Variants in HEATR5A observed in about 807,000 individuals in gnomAD.
HEATR5A encodes HEAT repeat containing 5A, also known as HEAT repeat-containing protein 5A.
A neutral mutation model predicts 218.8 loss-of-function variants in HEATR5A; 178 were observed. The observed-to-expected ratio is 0.81, with a 90% confidence interval of 0.72 to 0.92. HEATR5A has a LOEUF of 0.92. Among genes scored for constraint, HEATR5A ranks in the 40% least tolerant of loss-of-function variants. The probability of loss-of-function intolerance (pLI) is 0.00; values close to 1 mark genes in which losing one functional copy is unlikely to be tolerated. For missense variants in HEATR5A, 2,420 were observed against 2,418.9 expected, an observed-to-expected ratio of 1.00 and a Z score of -0.01; for synonymous variants, 864 against 871.6, an observed-to-expected ratio of 0.99 and a Z score of 0.15.
Position 31,350,938 on chromosome 14 carries a change from C to T in HEATR5A, c.2412-221G>A, listed in dbSNP as rs144495932. On this transcript the variant is annotated intron_variant, in intron 16 of 35. Coordinates refer to ENST00000543095, the MANE Select transcript of HEATR5A (RefSeq NM_015473.4). ...GATTACAGGTGTGCACCACCACACC[C>T]GGTTAATTTTTGTATTTTTAGTAGA... 1.4e-4 allele frequency among the ~76,000 whole-genome samples: 22 copies of T among 152,128 alleles called. No homozygotes were observed. In the East Asian group the frequency reaches 3.3e-3, roughly 23 times the overall value.
intron 3 of HEATR5A, 48 bp from the exon 4 acceptor site, chr14:31,398,829 A>C (rs2030757641): frequency 2.9e-6 from 3 of 1,031,558 alleles, no homozygotes; most frequent in African/African-American, 1.6e-5. Context: ...AAAAAATAGG[A>C]ATAAAAAGAT....
intron 1 of HEATR5A, among the ~76,000 whole-genome samples, chr14:31,409,655 G>A (rs1366324865): frequency 2.0e-5 from 3 of 152,014 alleles, no homozygotes; most frequent in East Asian, 1.9e-4. Flanking sequence ...GGCCAAGATC[G>A]CGCCACTGCA....
rs537932613 is a variant in HEATR5A at position 31,384,181 on chromosome 14, G to A, written c.1346-410C>T. The stretch of plus-strand genomic sequence containing the variant: ...ACCCTGGCCAGCTGTGGTGGCTCAC[G>A]CCTGTAATCCCAGCACTTTGGGAGG... On this transcript the variant is annotated intron_variant, in intron 9 of 35. Transcript: ENST00000543095. 3.3e-5 allele frequency among the ~76,000 whole-genome samples: 5 copies of A among 152,136 alleles called. No homozygotes were observed. The East Asian group carries it at 9.7e-4, about 29-fold the overall frequency.
Position 31,345,213 on chromosome 14 carries a change from C to T in HEATR5A, c.2932G>A (p.Val978Met). ...ATAATAAGAGAAAGGGTAGGTTCCA[C>T]ATGCACATAATAGAGTGGGCCAGCA... ...DSAGPLYYVH[V>M]EPTLSLIIML... The change falls in exon 20 of 36, where the codon GTG becomes ATG. Residue 978 changes from valine (V) to methionine (M), a missense_variant. By Grantham distance (21) the Val-to-Met change is conservative. Transcript: ENST00000543095. The T allele has an allele frequency of 7.4e-6, 12 of 1,613,498 alleles. No homozygotes were observed. The highest frequency in any genetic ancestry group is 1.0e-5 in the Non-Finnish European group (12 of 1,179,468).
chr14:31,311,201 G>C (rs1373602780), intron 28 of HEATR5A, among the ~76,000 whole-genome samples: 1 of 152,062 alleles, frequency 6.6e-6, no homozygotes, highest in Non-Finnish European at 1.5e-5. Context: ...CGGCTACAAA[G>C]TAACCAACCC....
At chr14:31,306,696 T>C (rs1899565842) in intron 31 of HEATR5A, 36 bp downstream of exon 31, 1 of 1,571,158 alleles carries the variant, frequency 6.4e-7, no homozygotes, top group East Asian at 2.3e-5. Flanking sequence ...AGAATGATGC[T>C]ATTTGATCAA....
In HEATR5A at chr14:31,293,894, G is replaced by A; in HGVS notation, c.5830C>T (p.His1944Tyr). 6.3e-7 allele frequency: 1 copy of A among 1,593,694 alleles called. No individual in the cohort carries two copies. Among genetic ancestry groups the A allele is most frequent in the Non-Finnish European group, 8.6e-7 (1 of 1,168,088 alleles). The change falls in exon 35 of 36, where the codon CAT (histidine) becomes TAT (tyrosine). Residue 1944 changes from histidine (H) to tyrosine (Y), a missense_variant. Coordinates refer to ENST00000543095, the MANE Select transcript of HEATR5A (RefSeq NM_015473.4). ...TGAATTTAGTGCTGACACTTACGAT[G>A]GTGTTCTTCAGCAACAGTAACCAGT... ...ETLVTVAEEH[H>Y]RAQLVACLLP...
At chr14:31,323,301 T>C (rs1317656972) in intron 24 of HEATR5A, among the ~76,000 whole-genome samples, 1 of 151,606 alleles carries the variant, frequency 6.6e-6, no homozygotes, top group Non-Finnish European at 1.5e-5. Context: ...GCTGGAACTA[T>C]AGGTGCATGC....
intron 32 of HEATR5A, among the ~76,000 whole-genome samples, chr14:31,302,985 G>A (rs1004439173): frequency 1.5e-4 from 22 of 148,290 alleles, no homozygotes; most frequent in South Asian, 6.3e-4. Flanking sequence ...GGTGGTGTGC[G>A]CCTGTGGTCC....
chr14:31,371,217 C>T (rs138154269), intron 13 of HEATR5A, among the ~76,000 whole-genome samples: 97 of 152,272 alleles, frequency 6.4e-4, no homozygotes, highest in African/African-American at 2.0e-3. Flanking sequence ...ACTATCTGGT[C>T]CTTCAGAAGA....
rs77533906 is a variant in HEATR5A at position 31,362,352 on chromosome 14, C to A, written c.2071+1837G>T. On this transcript the variant is annotated intron_variant, in intron 14 of 35. Transcript: ENST00000543095. The stretch of plus-strand genomic sequence containing the variant: ...CTGTGGAACTGATTTGAAATATATC[C>A]TTTAGGACTCCTGATTGCATTTCCA... Among the ~76,000 whole-genome samples, 70 of 151,792 alleles carry A rather than the reference C, an allele frequency of 4.6e-4. No individual in the cohort carries two copies. In the East Asian group the frequency reaches 7.9e-3, roughly 17 times the overall value.
intron 22 of HEATR5A, among the ~76,000 whole-genome samples, chr14:31,333,838 C>A (rs913498759): frequency 6.6e-6 from 1 of 151,272 alleles, no homozygotes; most frequent in Admixed American, 6.6e-5. Context: ...TCAAGACCAG[C>A]CTGGGCAACA....
intron 6 of HEATR5A, among the ~76,000 whole-genome samples, chr14:31,391,348 A>G (rs1350317949): frequency 6.6e-6 from 1 of 152,138 alleles, no homozygotes; most frequent in Non-Finnish European, 1.5e-5. Flanking sequence ...CATCTTGGCC[A>G]GGCTGGTCTT....
In HEATR5A at chr14:31,386,528, C is replaced by G. The variant is rs773270723; in HGVS notation, c.1237G>C (p.Asp413His). The change falls in exon 9 of 36, where the codon GAT becomes CAT. Residue 413 changes from aspartate (D) to histidine (H), a missense_variant. Physicochemically the swap from Asp to His is moderately conservative, Grantham distance 81. Transcript: ENST00000543095. ...GNLETRLGSTDVAASQHMLVC... is the reference protein window; with the variant it reads ...GNLETRLGSTHVAASQHMLVC... Reference sequence around the variant, plus strand: ...AGCATATGTTGGCTAGCGGCTACATCTGTGGAACCAAGCCGGGTTTCCAAA... The same window carrying G: ...AGCATATGTTGGCTAGCGGCTACATGTGTGGAACCAAGCCGGGTTTCCAAA... 24 of 1,603,226 alleles carry G rather than the reference C, an allele frequency of 1.5e-5. No individual in the cohort carries two copies. Among genetic ancestry groups the G allele is most frequent in the Non-Finnish European group, 1.9e-5 (22 of 1,176,658 alleles).
chr14:31,413,057 AC>A (rs1253390060), intron 1 of HEATR5A, among the ~76,000 whole-genome samples: 1 of 152,148 alleles, frequency 6.6e-6, no homozygotes, highest in Admixed American at 6.6e-5. Context: ...CTTATGACGA[AC>A]CCCAGGCACG....
intron 13 of HEATR5A, among the ~76,000 whole-genome samples, chr14:31,371,257 T>C (rs1048806550): frequency 7.2e-5 from 11 of 152,230 alleles, no homozygotes; most frequent in African/African-American, 2.7e-4. Flanking sequence ...TCAGGCTGTG[T>C]TGGATTCACA....
chr14:31,312,659 T>C, intron 28 of HEATR5A, among the ~76,000 whole-genome samples: 1 of 152,126 alleles, frequency 6.6e-6, no homozygotes, highest in Non-Finnish European at 1.5e-5. Context: ...GTGATCTGCC[T>C]GCCTCAGCTT....
chr14:31,326,046 C>T (rs1380079685), intron 23 of HEATR5A, 117 bp downstream of exon 23: 2 of 721,586 alleles, frequency 2.8e-6, no homozygotes, highest in South Asian at 3.4e-5. Context: ...AAGCAACAAT[C>T]AGACAGTCAG....
At position 31,358,733 on chromosome 14, in the gene HEATR5A, T is replaced by A. The variant is rs772205457; in HGVS notation, c.2315A>T (p.Asp772Val). Residue 772 changes from aspartate to valine, a missense_variant, in exon 16 of 36, where the codon GAT becomes GTT. Transcript: ENST00000543095. ...TGGAGGTAAGGGCTTAGGCACTGAA[T>A]CTCCCTCTACATCTTTCTCATAAAT... ...YSIYEKDVEG[D>V]SVPKPLPPAL... 5.6e-6 allele frequency: 9 copies of A among 1,613,688 alleles called. No homozygotes were observed. The Admixed American group carries it at 1.5e-4, about 27-fold the overall frequency.
Sources: allele counts gnomAD v4.1 joint callset (sites outside exome capture counted in the v4.1 genomes callset), GRCh38; gene constraint gnomAD v4.1.1; transcripts MANE v1.5; gene names NCBI Gene and HGNC (gene_info 2026-07-23, HGNC 2026-07-21).